The following TENM3 variants were observed in gnomAD, a reference collection of about 807,000 sequenced individuals.
TENM3 encodes teneurin-3.
TENM3 carries 63 observed loss-of-function variants against 255.1 expected under a neutral mutation model. The ratio of observed to expected loss-of-function variants is 0.25; its 90% CI spans 0.20 to 0.30. TENM3 has a LOEUF of 0.30. Ranked by LOEUF, TENM3 falls within the 10% of genes least tolerant of loss-of-function variation. The pLI is 1.00. For synonymous variants in TENM3, 1,306 were observed against 1,322.3 expected (o/e 0.99, Z 0.27); for missense variants, 2,929 against 3,461.1 (o/e 0.85, Z 3.86).
At chr4:182,691,011 T>C (rs924492300) in intron 12 of TENM3, among the ~76,000 whole-genome samples, 13 of 152,216 alleles carry the variant, frequency 8.5e-5, no homozygotes, top group Non-Finnish European at 1.8e-4. Flanking sequence ...TTTAAAGCAT[T>C]CTGCTCTTTT....
At chr4:181,782,936 T>G in the TENM3 span, among the ~76,000 whole-genome samples, 1 of 152,142 alleles carries the variant, frequency 6.6e-6, no homozygotes, top group Non-Finnish European at 1.5e-5. Flanking sequence ...CGGTTTTGAG[T>G]GAGTTTCTTA....
intron 5 of TENM3, among the ~76,000 whole-genome samples, chr4:182,640,811 G>T (rs115528022): frequency 6.6e-6 from 1 of 152,280 alleles, no homozygotes; most frequent in South Asian, 2.1e-4. Flanking sequence ...GGTTAAGTTA[G>T]GAGTAACTAA....
chr4:182,338,223 G>T lies in TENM3; in HGVS notation c.233-8428G>T, dbSNP rs1580208649. ...CCACAGGGGTAAGATTTGATTTGGT[G>T]CCAAGAGCAGAGTTGCACTGTCTCT... On this transcript the variant is annotated intron_variant, in intron 2 of 27. Transcript: ENST00000511685. Among the ~76,000 whole-genome samples the T allele has an allele frequency of 2.6e-5, 4 of 152,174 alleles. No individual in the cohort carries two copies. The South Asian group carries it at 8.3e-4, about 32-fold the overall frequency.
At chr4:181,685,569 G>T in the TENM3 span, among the ~76,000 whole-genome samples, 1 of 152,156 alleles carries the variant, frequency 6.6e-6, no homozygotes, top group African/African-American at 2.4e-5. Context: ...CAACAAGATG[G>T]CTAGGAGTTT....
chr4:181,705,866 G>A, the TENM3 span, among the ~76,000 whole-genome samples: 1 of 152,124 alleles, frequency 6.6e-6, no homozygotes, highest in Non-Finnish European at 1.5e-5. Context: ...AGCCACCCTG[G>A]GCTCCTAACC....
At chr4:181,856,052 A>G in the TENM3 span, among the ~76,000 whole-genome samples, 5 of 18,086 alleles carry the variant, frequency 2.8e-4, no homozygotes, top group Non-Finnish European at 5.4e-4. Flanking sequence ...AAGGAAGGAA[A>G]GGGAAAGAAG....
At chr4:181,770,340 G>C in the TENM3 span, among the ~76,000 whole-genome samples, 33 of 152,244 alleles carry the variant, frequency 2.2e-4, no homozygotes, top group African/African-American at 6.7e-4. Flanking sequence ...ATTTATTGTG[G>C]TAAGGCTATC....
chr4:182,551,725 T>C (rs1742045739), intron 3 of TENM3, among the ~76,000 whole-genome samples: 2 of 152,170 alleles, frequency 1.3e-5, no homozygotes, highest in South Asian at 4.2e-4. Flanking sequence ...TTTTACTGTA[T>C]TTAAAGTTAA....
chr4:181,793,974 T>G, the TENM3 span, among the ~76,000 whole-genome samples: 5 of 152,186 alleles, frequency 3.3e-5, no homozygotes, highest in South Asian at 1.0e-3. Flanking sequence ...GTTTTAGTGT[T>G]TCCACATTAA....
intron 13 of TENM3, among the ~76,000 whole-genome samples, chr4:182,724,823 C>T (rs1294235015): frequency 6.6e-6 from 1 of 152,116 alleles, no homozygotes; most frequent in African/African-American, 2.4e-5. Context: ...CCTATTGAAT[C>T]ATTTCTACTT....
rs1173362471 is a variant in TENM3 at position 182,751,851 on chromosome 4, T to G, written c.3681T>G (p.Asp1227Glu). The G allele has an allele frequency of 1.9e-6, 3 of 1,613,852 alleles. No individual in the cohort carries two copies. The highest frequency in any genetic ancestry group is 2.2e-5 in the South Asian group (2 of 91,080). Reference sequence around the variant, plus strand: ...TTGCAACGGATCCAGTCACGGGAGATCTGTACGTTTCTGACACAAACACCC... The same window carrying G: ...TTGCAACGGATCCAGTCACGGGAGAGCTGTACGTTTCTGACACAAACACCC... ...YYLATDPVTG[D>E]LYVSDTNTRR... The change falls in exon 20 of 28, where the codon GAT becomes GAG. Residue 1227 changes from aspartate to glutamate, a missense_variant. By Grantham distance (45) the Asp-to-Glu change is conservative. This residue lies in a region of TENM3 where 1,608 missense variants were observed against 1,884.4 expected (regional missense o/e 0.85). Transcript: ENST00000511685.
chr4:182,359,532 G>T (rs1465477199), intron 3 of TENM3, among the ~76,000 whole-genome samples: 1 of 150,378 alleles, frequency 6.6e-6, no homozygotes, highest in Non-Finnish European at 1.5e-5. Flanking sequence ...ATTCTCTGAT[G>T]GTAGTTTGTA....
the TENM3 span, among the ~76,000 whole-genome samples, chr4:181,697,041 C>T: frequency 6.6e-6 from 1 of 152,224 alleles, no homozygotes; most frequent in African/African-American, 2.4e-5. Context: ...CTTCGTGGCT[C>T]ATACCCCTGC....
chr4:182,725,236 G>A (rs1333436693), intron 13 of TENM3, among the ~76,000 whole-genome samples: 3 of 151,966 alleles, frequency 2.0e-5, no homozygotes, highest in African/African-American at 7.3e-5. Context: ...ATAGGGTCTC[G>A]CTGTGTTACC....
intron 22 of TENM3, among the ~76,000 whole-genome samples, chr4:182,770,725 T>G (rs548677735): frequency 6.6e-6 from 1 of 152,324 alleles, no homozygotes; most frequent in East Asian, 1.9e-4. Flanking sequence ...AATAGTTAAA[T>G]TGTCACGTAT....
chr4:181,589,576 C>T, the TENM3 span, among the ~76,000 whole-genome samples: 1 of 152,130 alleles, frequency 6.6e-6, no homozygotes, highest in African/African-American at 2.4e-5. Flanking sequence ...TTTACCTCTA[C>T]ACTTTTAGGA....
At chr4:182,384,311 G>GTTTT (rs10638816) in intron 3 of TENM3, among the ~76,000 whole-genome samples, 27 of 147,832 alleles carry the variant, frequency 1.8e-4, no homozygotes, top group Admixed American at 2.0e-4. Flanking sequence ...CTGTGGTTCA[G>GTTTT]TTTTTTTTTT....
the TENM3 span, among the ~76,000 whole-genome samples, chr4:181,524,157 C>T: frequency 6.6e-6 from 1 of 152,020 alleles, no homozygotes; most frequent in African/African-American, 2.4e-5. Flanking sequence ...CAGCACTTCC[C>T]GTGATTTCCG....
At chr4:182,359,698 G>GT (rs1333134606) in intron 3 of TENM3, among the ~76,000 whole-genome samples, 2 of 149,648 alleles carry the variant, frequency 1.3e-5, no homozygotes, top group African/African-American at 4.9e-5. Flanking sequence ...TTTTTGAAGG[G>GT]TTTTTTGTGT....
Sources: allele counts gnomAD v4.1 joint callset (sites outside exome capture counted in the v4.1 genomes callset), GRCh38; gene constraint gnomAD v4.1.1; regional missense constraint gnomAD v4.1.1; transcripts MANE v1.5; gene names NCBI Gene and HGNC (gene_info 2026-07-23, HGNC 2026-07-21).